Variants in EML5 observed in about 807,000 individuals in gnomAD.
EML5 encodes the protein EMAP like 5.
Under a neutral mutation model 250.0 loss-of-function variants are expected in EML5, and 120 were observed. The observed-to-expected ratio is 0.48, with a 90% CI of 0.41 to 0.56. The LOEUF (loss-of-function observed/expected upper bound fraction) is 0.56, where lower values mean the gene tolerates loss of function less well. Among genes scored for constraint, EML5 ranks in the 20% least tolerant of loss-of-function variants. The probability of loss-of-function intolerance (pLI) is 0.00; values close to 1 mark genes in which losing one functional copy is unlikely to be tolerated. For missense variants in EML5, 2,006 were observed against 2,437.6 expected, an observed-to-expected ratio of 0.82 and a Z score of 3.73; for synonymous variants, 771 against 806.5, an observed-to-expected ratio of 0.96 and a Z score of 0.75.
chr14:88,724,659 A>G (rs11159866), intron 8 of EML5, among the ~76,000 whole-genome samples: 97,217 of 152,082 alleles, frequency 0.64, 33,075 homozygotes, highest in East Asian at 0.94. Context: ...TAAAACCTCT[A>G]TAAGTGAGCA....
In EML5 at chr14:88,790,343, T is replaced by C. The variant is rs548908430; in HGVS notation, c.197+1964A>G. 4.6e-5 allele frequency among the ~76,000 whole-genome samples: 7 copies of C among 152,320 alleles called. No homozygotes were observed. In the South Asian group the frequency reaches 1.5e-3, roughly 32 times the overall value. ...AATCATAAGCATGTATATTCAACGA[T>C]GAGAAATTCGAGTATGTTTGTTGTT... On this transcript the variant is annotated intron_variant, in intron 1 of 43. Transcript: ENST00000554922.
At chr14:88,721,528 A>G (rs1019982092) in intron 8 of EML5, among the ~76,000 whole-genome samples, 34 of 152,310 alleles carry the variant, frequency 2.2e-4, no homozygotes, top group African/African-American at 7.9e-4. Flanking sequence ...AGGATCTCCT[A>G]TTCAATAAAT....
intron 31 of EML5, among the ~76,000 whole-genome samples, chr14:88,640,170 A>G (rs1659822312): frequency 6.6e-6 from 1 of 152,118 alleles, no homozygotes; most frequent in Non-Finnish European, 1.5e-5. Context: ...AAAACTAACA[A>G]AGAAATTCTG....
At chr14:88,658,427 TTTCA>T (rs751146842) in intron 25 of EML5, 39 bp from the exon 26 acceptor site, 146 of 1,464,622 alleles carry the variant, frequency 1.0e-4, no homozygotes, top group Non-Finnish European at 1.3e-4. Flanking sequence ...TTCTGAGAAA[TTTCA>T]TTATTTAAAT....
rs1445512363 is a variant in EML5, at chr14:88,695,417, A to T, written c.2382T>A (p.Asp794Glu). ...GKRLASVGID[D>E]SHTVVLWDWK... ...AGTCCCAGAGCACAACAGTATGGCT[A>T]TCATCTATGCCAACTGATGCCAAAC... The change falls in exon 16 of 44, where the codon GAT (aspartate) becomes GAA (glutamate). Residue 794 changes from aspartate (D) to glutamate (E), a missense_variant. Asp to Glu is a conservative substitution (Grantham distance 45, BLOSUM62 2). Coordinates refer to ENST00000554922, the MANE Select transcript of EML5 (RefSeq NM_183387.3). 4 of 1,612,634 alleles carry T rather than the reference A, an allele frequency of 2.5e-6. No individual in the cohort carries two copies. The African/African-American group carries it at 5.3e-5, about 22-fold the overall frequency.
At chr14:88,663,942 A>G (rs1161991827) in intron 23 of EML5, among the ~76,000 whole-genome samples, 1 of 152,160 alleles carries the variant, frequency 6.6e-6, no homozygotes, top group East Asian at 1.9e-4. Flanking sequence ...TAAACAACTA[A>G]TCACTTACTG....
At chr14:88,746,668 T>A (rs1265883391) in intron 2 of EML5, among the ~76,000 whole-genome samples, 1 of 152,154 alleles carries the variant, frequency 6.6e-6, no homozygotes, top group Non-Finnish European at 1.5e-5. Context: ...CACCTACACC[T>A]ACTGGACTCT....
chr14:88,790,716 T>C (rs1046815985), intron 1 of EML5, among the ~76,000 whole-genome samples: 2 of 152,178 alleles, frequency 1.3e-5, no homozygotes, highest in African/African-American at 4.8e-5. Context: ...AAAGCTACTA[T>C]GCCTGGTACT....
rs1246423361 is a variant in EML5, at chr14:88,739,033, T to C, written c.712-19A>G. ...TTCCTGCCTAGAAGAGGAAATAAAA[T>C]AATTTAACGACAAATATTTTTTAAG... On this transcript the variant is annotated intron_variant, in intron 5 of 43. Transcript: ENST00000554922. 3.8e-6 allele frequency: 6 copies of C among 1,577,272 alleles called. No individual in the cohort carries two copies. The African/African-American group carries it at 5.5e-5, about 14-fold the overall frequency.
chr14:88,640,481 T>C (rs1432020110), intron 31 of EML5, among the ~76,000 whole-genome samples: 1 of 151,912 alleles, frequency 6.6e-6, no homozygotes, highest in African/African-American at 2.4e-5. Flanking sequence ...AAGGCAAAAA[T>C]TTAAAAAAAA....
At chr14:88,772,801 A>T (rs1261779760) in intron 1 of EML5, among the ~76,000 whole-genome samples, 1 of 151,844 alleles carries the variant, frequency 6.6e-6, no homozygotes, top group African/African-American at 2.4e-5. Context: ...CTTAGCTCCT[A>T]CCATTTTTCC....
At chr14:88,656,722 C>G (rs1379902843) in intron 27 of EML5, among the ~76,000 whole-genome samples, 1 of 149,576 alleles carries the variant, frequency 6.7e-6, no homozygotes, top group Non-Finnish European at 1.5e-5. Flanking sequence ...GACAACCTGC[C>G]TTTTTAGAAA....
intron 6 of EML5, among the ~76,000 whole-genome samples, chr14:88,738,183 T>C (rs1445037371): frequency 6.6e-6 from 1 of 152,188 alleles, no homozygotes; most frequent in Non-Finnish European, 1.5e-5. Context: ...AACATTTACA[T>C]GCTTATTATG....
In EML5 at chr14:88,667,056, G is replaced by A. The variant is rs570690037; in HGVS notation, c.3125-1567C>T. Among the ~76,000 whole-genome samples, 74 of 152,196 alleles carry A rather than the reference G, an allele frequency of 4.9e-4. 1 individual carries two copies. The highest frequency in any genetic ancestry group is 3.4e-3 in the Middle Eastern group (1 of 294). ...CTGGATGTGGGGTGAAAGGCGTCAA[G>A]GGCATGGTTTTGCTTGAGTGGTGAT... On this transcript the variant is annotated intron_variant, in intron 21 of 43. Coordinates refer to ENST00000554922, the MANE Select transcript of EML5 (RefSeq NM_183387.3).
At chr14:88,697,713 G>A (rs1206753375) in intron 14 of EML5, among the ~76,000 whole-genome samples, 1 of 152,034 alleles carries the variant, frequency 6.6e-6, no homozygotes, top group Non-Finnish European at 1.5e-5. Context: ...GTCAATTATA[G>A]TTAATTTTGA....
chr14:88,760,477 T>C (rs1008332163), intron 1 of EML5, among the ~76,000 whole-genome samples: 1 of 141,388 alleles, frequency 7.1e-6, no homozygotes, highest in Non-Finnish European at 1.6e-5. Flanking sequence ...CATATCTATA[T>C]TACTTTTCCA....
intron 7 of EML5, among the ~76,000 whole-genome samples, chr14:88,732,534 G>T (rs2093777107): frequency 1.3e-5 from 2 of 152,192 alleles, no homozygotes; most frequent in Admixed American, 6.5e-5. Flanking sequence ...GCTTAGGATT[G>T]TCTTGGCAAT....
At chr14:88,679,371 AAAAT>A (rs1165446074) in intron 21 of EML5, among the ~76,000 whole-genome samples, 2 of 152,082 alleles carry the variant, frequency 1.3e-5, no homozygotes, top group Admixed American at 1.3e-4. Flanking sequence ...TGCTTTCTTT[AAAAT>A]AAATATTATA....
chr14:88,707,127 G>C (rs1178475101), intron 10 of EML5, among the ~76,000 whole-genome samples: 1 of 152,092 alleles, frequency 6.6e-6, no homozygotes, highest in Non-Finnish European at 1.5e-5. Context: ...TGTCATTTCA[G>C]GGGATATGGT....
Sources: gnomAD v4.1 joint callset for allele counts (sites outside exome capture counted in the v4.1 genomes callset) on GRCh38, gnomAD v4.1.1 for gene constraint, MANE v1.5 for transcripts, NCBI Gene and HGNC (gene_info 2026-07-23, HGNC 2026-07-21) for gene names.